The following ANKRD27 variants were observed in gnomAD, a reference collection of about 807,000 sequenced individuals.
ANKRD27 encodes the protein ankyrin repeat domain-containing protein 27.
ANKRD27 carries 112 observed loss-of-function variants against 129.7 expected under a neutral mutation model. The observed-to-expected ratio is 0.86, with a 90% confidence interval of 0.74 to 1.01. ANKRD27 has a LOEUF of 1.01. ANKRD27 is among the 50% of genes least tolerant of loss of function. ANKRD27 has a pLI of 0.00. For missense variants in ANKRD27, 1,258 were observed against 1,300.5 expected (o/e 0.97, Z 0.50); for synonymous variants, 516 against 511.2 (o/e 1.01, Z -0.13).
At chr19:32,604,737 T>C (rs1211722776) in intron 24 of ANKRD27, among the ~76,000 whole-genome samples, 4 of 152,070 alleles carry the variant, frequency 2.6e-5, no homozygotes. Flanking sequence ...TAAATAAGTT[T>C]CTACATTAAA....
At chr19:32,649,547 C>G in intron 3 of ANKRD27, 135 bp downstream of exon 3, 2 of 683,158 alleles carry the variant, frequency 2.9e-6, no homozygotes, top group East Asian at 2.5e-5. Flanking sequence ...CCTCCAGCCC[C>G]CCACGGGGCT....
intron 18 of ANKRD27, among the ~76,000 whole-genome samples, chr19:32,620,242 C>G (rs77120376): frequency 0.031 from 4,612 of 149,530 alleles, 238 homozygotes; most frequent in African/African-American, 0.11. Context: ...CTGCCACACA[C>G]ACACAAAATA....
At chr19:32,617,512 A>T in intron 21 of ANKRD27, 77 bp downstream of exon 21, 1 of 674,728 alleles carries the variant, frequency 1.5e-6, no homozygotes, top group Non-Finnish European at 2.7e-6. Context: ...ACGCCACTGC[A>T]CTCCAGCCTG....
intron 12 of ANKRD27, among the ~76,000 whole-genome samples, chr19:32,633,281 T>C (rs1314703268): frequency 2.6e-5 from 4 of 151,784 alleles, no homozygotes; most frequent in African/African-American, 9.7e-5. Context: ...GCCAGAAGCA[T>C]GCAAAGCTGC....
Position 32,639,481 on chromosome 19 carries a change from T to G in ANKRD27, c.991A>C (p.Asn331His), listed in dbSNP as rs754738147. The G allele has an allele frequency of 6.2e-7, 1 of 1,612,748 alleles. No individual in the cohort carries two copies. Among genetic ancestry groups the G allele is most frequent in the Admixed American group, 1.7e-5 (1 of 59,790 alleles). The stretch of plus-strand genomic sequence containing the variant: ...CTGAAGTTTTTGATGTAACTCAAAT[T>G]TGCCATCCTAATGAAAGGAAGAAAA... ...VKTEIPNWMA[N>H]LSYIKNFRFS... Residue 331 changes from asparagine to histidine, a missense_variant, in exon 12 of 29, where the codon AAT becomes CAT. Physicochemically the swap from Asn to His is moderately conservative, Grantham distance 68. Transcript: ENST00000306065.
chr19:32,649,551 C>G (rs117928561), intron 3 of ANKRD27, 131 bp downstream of exon 3: 2 of 692,134 alleles, frequency 2.9e-6, no homozygotes, highest in South Asian at 3.3e-5. Flanking sequence ...CAGCCCCCCA[C>G]GGGGCTGCAG....
intron 12 of ANKRD27, among the ~76,000 whole-genome samples, chr19:32,637,116 G>C (rs192187029): frequency 1.3e-5 from 2 of 152,168 alleles, no homozygotes; most frequent in African/African-American, 4.8e-5. Context: ...ATGCATGAAC[G>C]TGTCAATAAC....
In ANKRD27 at chr19:32,598,174, G is replaced by A; in HGVS notation, c.3124C>T (p.Pro1042Ser). 1 of 1,614,152 alleles carries A rather than the reference G, an allele frequency of 6.2e-7. No homozygotes were observed. The highest frequency in any genetic ancestry group is 8.5e-7 in the Non-Finnish European group (1 of 1,180,030). Residue 1042 changes from proline (P) to serine (S), a missense_variant, in exon 29 of 29, where the codon CCC becomes TCC. Pro to Ser is a moderately conservative substitution (Grantham distance 74, BLOSUM62 -1). Transcript: ENST00000306065. ...GACCGGGAAGCACTAACCTCTTGGGGAGTGGAGAGGGGGCCAGCAGCCTCC... is the reference window on the plus strand; with the variant it reads ...GACCGGGAAGCACTAACCTCTTGGGAAGTGGAGAGGGGGCCAGCAGCCTCC... ...GPEAAGPLST[P>S]QEVSASRS is the part of the protein sequence containing the mutation.
At chr19:32,604,217 G>A (rs1365846410) in intron 25 of ANKRD27, 46 bp downstream of exon 25, 1 of 1,556,718 alleles carries the variant, frequency 6.4e-7, no homozygotes, top group South Asian at 1.2e-5. Context: ...AGAGGGAGCT[G>A]TGAGGAGCTC....
chr19:32,648,036 T>C (rs1341450639), intron 3 of ANKRD27, among the ~76,000 whole-genome samples: 1 of 151,900 alleles, frequency 6.6e-6, no homozygotes, highest in Non-Finnish European at 1.5e-5. Flanking sequence ...GAGACCAAGG[T>C]GGGTGGATCA....
intron 15 of ANKRD27, 33 bp from the exon 16 acceptor site, chr19:32,626,860 G>C: frequency 6.6e-7 from 1 of 1,521,958 alleles, no homozygotes; most frequent in East Asian, 2.3e-5. Flanking sequence ...GATGGAGAAG[G>C]AAGGCGCAGA....
At chr19:32,649,225 G>A (rs1049172144) in intron 3 of ANKRD27, among the ~76,000 whole-genome samples, 4 of 151,890 alleles carry the variant, frequency 2.6e-5, no homozygotes, top group South Asian at 2.1e-4. Flanking sequence ...CTCCTGCCTC[G>A]GCCCCCCAAA....
chr19:32,650,526 A>C (rs1032419533), intron 2 of ANKRD27, among the ~76,000 whole-genome samples: 1 of 152,130 alleles, frequency 6.6e-6, no homozygotes, highest in Non-Finnish European at 1.5e-5. Flanking sequence ...GTCTCTACTA[A>C]AAACACAAAA....
rs1971976010 is a variant in ANKRD27 at position 32,619,522 on chromosome 19, G to C, written c.1859C>G (p.Ser620Cys). 6.2e-7 allele frequency: 1 copy of C among 1,614,118 alleles called. No individual in the cohort carries two copies. Among genetic ancestry groups the C allele is most frequent in the East Asian group, 2.2e-5 (1 of 44,862 alleles). The change falls in exon 19 of 29, where the codon TCC becomes TGC. Residue 620 changes from serine to cysteine, a missense_variant. Ser to Cys is a moderately radical substitution (Grantham distance 112, BLOSUM62 -1). Transcript: ENST00000306065. ...ILSVMEAYHLSFERRQKSSEA... is the reference protein window; with the variant it reads ...ILSVMEAYHLCFERRQKSSEA... ...GGACGACTTCTGCCTCCTCTCGAAG[G>C]ACAGGTGATAGGCTTCCATTACAGA...
intron 9 of ANKRD27, 67 bp downstream of exon 9, chr19:32,643,056 C>G (rs1054777772): frequency 1.3e-6 from 2 of 1,521,586 alleles, no homozygotes; most frequent in African/African-American, 2.8e-5. Context: ...CCGAGAGGGC[C>G]TGCTTCCGGG....
intron 1 of ANKRD27, among the ~76,000 whole-genome samples, chr19:32,669,843 A>T (rs1209673948): frequency 6.6e-6 from 1 of 152,026 alleles, no homozygotes; most frequent in Non-Finnish European, 1.5e-5. Context: ...CTAAAAATAC[A>T]AAAATTAGCT....
intron 1 of ANKRD27, chr19:32,666,388 T>C (rs1273821149): frequency 6.6e-6 from 1 of 152,230 alleles, no homozygotes; most frequent in Non-Finnish European, 1.5e-5. Flanking sequence ...CCATGATTCA[T>C]GACTGAAAGG....
Position 32,604,177 on chromosome 19 carries a change from A to G in ANKRD27, c.2655+86T>C, listed in dbSNP as rs1971694263. ...GCGATGCCAAGGGCCAGGTGTTGCTATTTTAGATCCAGCTTAAACAAAGGG... is the reference window on the plus strand; with the variant it reads ...GCGATGCCAAGGGCCAGGTGTTGCTGTTTTAGATCCAGCTTAAACAAAGGG... On this transcript the variant is annotated intron_variant, in intron 25 of 28. Coordinates refer to ENST00000306065, the MANE Select transcript of ANKRD27 (RefSeq NM_032139.3). 3 of 1,450,200 alleles carry G rather than the reference A, an allele frequency of 2.1e-6. No individual in the cohort carries two copies. In the Admixed American group the frequency reaches 6.3e-5, roughly 31 times the overall value. 89.8% of individuals were successfully genotyped at this position (1,450,200 alleles called of 1,614,324 possible). A position where few individuals can be genotyped will look rare whatever the true frequency, so the allele number is the denominator to read the frequency against.
intron 17 of ANKRD27, among the ~76,000 whole-genome samples, chr19:32,625,557 A>C (rs1421026584): frequency 6.6e-6 from 1 of 151,602 alleles, no homozygotes; most frequent in African/African-American, 2.4e-5. Context: ...CAGACTCCTG[A>C]GTCGCTGGGA....
Sources: gnomAD v4.1 joint callset for allele counts (sites outside exome capture counted in the v4.1 genomes callset) on GRCh38, gnomAD v4.1.1 for gene constraint, MANE v1.5 for transcripts, NCBI Gene and HGNC (gene_info 2026-07-23, HGNC 2026-07-21) for gene names.